The following FABP7 variants were observed in gnomAD, a reference collection of about 807,000 sequenced individuals.
FABP7 encodes fatty acid binding protein 7, also known as fatty acid-binding protein, brain.
In FABP7, 13 loss-of-function variants were observed where a neutral mutation model predicts 14.2. The observed-to-expected ratio is 0.91, with a 90% CI of 0.59 to 1.45. The LOEUF is 1.45. Among genes scored for constraint, FABP7 ranks in the 40% most tolerant of loss-of-function variants. The probability of loss-of-function intolerance (pLI) is 0.00; values close to 1 mark genes in which losing one functional copy is unlikely to be tolerated. For synonymous variants in FABP7, 49 were observed against 51.4 expected (o/e 0.95, Z 0.20); for missense variants, 149 against 157.6 (o/e 0.95, Z 0.29).
At chr6:122,765,821 T>TA in the FABP7 span, among the ~76,000 whole-genome samples, 1 of 152,084 alleles carries the variant, frequency 6.6e-6, no homozygotes, top group Non-Finnish European at 1.5e-5. Context: ...TACCTACTGA[T>TA]ATGCCAAAGA....
At chr6:122,779,510 G>A, upstream of FABP7, 1 of 448,066 alleles carries the variant, frequency 2.2e-6, no homozygotes, top group Non-Finnish European at 4.1e-6. Flanking sequence ...TGAGGATTGG[G>A]AGGAACTCGA....
At chr6:122,767,193 A>G in the FABP7 span, among the ~76,000 whole-genome samples, 3 of 152,172 alleles carry the variant, frequency 2.0e-5, no homozygotes, top group African/African-American at 4.8e-5. Flanking sequence ...TCAATATATA[A>G]AATAGATATG....
intron 3 of FABP7, chr6:122,782,695 G>GA: frequency 3.0e-6 from 3 of 985,448 alleles, no homozygotes; most frequent in Non-Finnish European, 3.6e-6. Flanking sequence ...TGACAGCAGA[G>GA]AAAGTTTTGT....
At chr6:122,757,382 GAGA>G in the FABP7 span, among the ~76,000 whole-genome samples, 36 of 152,010 alleles carry the variant, frequency 2.4e-4, no homozygotes, top group Non-Finnish European at 3.5e-4. Flanking sequence ...AGGAATCACC[GAGA>G]AGATGACTGA....
At chr6:122,781,681 T>C in intron 3 of FABP7, 1 of 991,986 alleles carries the variant, frequency 1.0e-6, no homozygotes, top group African/African-American at 1.7e-5. Flanking sequence ...ATTTAGAATA[T>C]AACAGAAAAG....
the FABP7 span, among the ~76,000 whole-genome samples, chr6:122,769,550 A>G: frequency 6.6e-6 from 1 of 152,146 alleles, no homozygotes; most frequent in Non-Finnish European, 1.5e-5. Flanking sequence ...AAATGCATTC[A>G]GAAAAATGTA....
chr6:122,769,464 T>C, the FABP7 span, among the ~76,000 whole-genome samples: 1 of 152,108 alleles, frequency 6.6e-6, no homozygotes, highest in Non-Finnish European at 1.5e-5. Context: ...AAATTTATTA[T>C]TATATGTTTA....
the FABP7 span, among the ~76,000 whole-genome samples, chr6:122,752,364 CTG>C: frequency 6.6e-6 from 1 of 152,154 alleles, no homozygotes; most frequent in African/African-American, 2.4e-5. Flanking sequence ...TGCATGCACT[CTG>C]TGGTTCTATG....
At chr6:122,772,543 G>C in the FABP7 span, among the ~76,000 whole-genome samples, 1 of 152,090 alleles carries the variant, frequency 6.6e-6, no homozygotes, top group African/African-American at 2.4e-5. Context: ...TCAGCCACCT[G>C]AGTAATTAGG....
chr6:122,777,277 T>C (rs187544178), upstream of FABP7, among the ~76,000 whole-genome samples: 45 of 152,262 alleles, frequency 3.0e-4, 1 homozygote, highest in African/African-American at 9.6e-4. Flanking sequence ...TTTGAGAACA[T>C]TTACTAGAGA....
intron 3 of FABP7, chr6:122,783,509 C>T (rs1194644447): frequency 2.0e-6 from 2 of 985,368 alleles, no homozygotes; most frequent in Non-Finnish European, 2.4e-6. Flanking sequence ...AAGTGCTAAT[C>T]CCAGTGTTTG....
intron 3 of FABP7, 27 bp downstream of exon 3, chr6:122,781,221 C>T (rs1278533691): frequency 6.2e-7 from 1 of 1,611,976 alleles, no homozygotes; most frequent in Non-Finnish European, 8.5e-7. Flanking sequence ...CTCCATTCTT[C>T]CTTGTTTTTT....
chr6:122,770,238 C>T, the FABP7 span, among the ~76,000 whole-genome samples: 2 of 151,954 alleles, frequency 1.3e-5, no homozygotes, highest in Admixed American at 6.6e-5. Flanking sequence ...GTTGATTAAA[C>T]TTTGGGGATC....
At chr6:122,760,251 C>G in the FABP7 span, among the ~76,000 whole-genome samples, 3 of 152,202 alleles carry the variant, frequency 2.0e-5, no homozygotes, top group South Asian at 6.2e-4. Context: ...CCCTCATGCC[C>G]CTTTCAAGAA....
the FABP7 span, among the ~76,000 whole-genome samples, chr6:122,765,394 T>C: frequency 2.6e-5 from 4 of 152,106 alleles, no homozygotes; most frequent in African/African-American, 4.8e-5. Context: ...TAGATAAAGA[T>C]AGATCGATTT....
At chr6:122,759,831 T>C in the FABP7 span, among the ~76,000 whole-genome samples, 2 of 152,108 alleles carry the variant, frequency 1.3e-5, no homozygotes, top group Non-Finnish European at 2.9e-5. Context: ...TATTAAGATA[T>C]AATTTACAGG....
chr6:122,772,529 T>C, the FABP7 span, among the ~76,000 whole-genome samples: 1 of 152,160 alleles, frequency 6.6e-6, no homozygotes, highest in Non-Finnish European at 1.5e-5. Flanking sequence ...GCAATTCTCA[T>C]GCCTCAGCCA....
chr6:122,779,906 G>A (rs748078406), intron 1 of FABP7, 39 bp downstream of exon 1: 6 of 1,586,222 alleles, frequency 3.8e-6, no homozygotes, highest in Admixed American at 1.7e-5. Context: ...TTCTCAACGT[G>A]CAGCTTTAGA....
chr6:122,763,945 A>G, the FABP7 span, among the ~76,000 whole-genome samples: 1 of 152,236 alleles, frequency 6.6e-6, no homozygotes, highest in Non-Finnish European at 1.5e-5. Flanking sequence ...TGTTAGTGGT[A>G]GTGTAAACTA....
Sources: allele counts gnomAD v4.1 joint callset (sites outside exome capture counted in the v4.1 genomes callset), GRCh38; gene constraint gnomAD v4.1.1; transcripts MANE v1.5; gene names NCBI Gene and HGNC (gene_info 2026-07-23, HGNC 2026-07-21).